The following ZNRF1 variants were observed in gnomAD, a reference collection of about 807,000 sequenced individuals.
The protein encoded by ZNRF1 is E3 ubiquitin-protein ligase ZNRF1.
A neutral mutation model predicts 18.4 loss-of-function variants in ZNRF1; 3 were observed. That is an observed-to-expected ratio of 0.16 (90% confidence interval 0.07 to 0.42). The LOEUF (loss-of-function observed/expected upper bound fraction) is 0.42, where lower values mean the gene tolerates loss of function less well. Among genes scored for constraint, ZNRF1 ranks in the 10% least tolerant of loss-of-function variants. The pLI is 0.99. For missense variants in ZNRF1, 310 were observed against 329.8 expected (o/e 0.94, Z 0.47); for synonymous variants, 157 against 144.2 (o/e 1.09, Z -0.64).
rs1279907752 is a variant in ZNRF1, at chr16:75,106,148, C to T, written c.627-334C>T. The T allele has an allele frequency of 2.2e-5, 6 of 272,790 alleles. No homozygotes were observed. In the East Asian group the frequency reaches 2.4e-4, roughly 11 times the overall value. 16.9% of individuals were successfully genotyped at this position (272,790 alleles called of 1,614,324 possible). On this transcript the variant is annotated intron_variant, in intron 3 of 4. Transcript: ENST00000335325. The stretch of plus-strand genomic sequence containing the variant: ...TGACTAGCTGCCCTGAGGGGTCCAC[C>T]GCTCTCACCTTCTCACTGGTGGCTG...
At chr16:75,048,873 C>G (rs547067693) in intron 1 of ZNRF1, among the ~76,000 whole-genome samples, 2 of 152,258 alleles carry the variant, frequency 1.3e-5, no homozygotes, top group East Asian at 1.9e-4. Context: ...GTGGATAATC[C>G]TTACATTCAT....
At chr16:75,061,281 A>C (rs1033764038) in intron 1 of ZNRF1, among the ~76,000 whole-genome samples, 1 of 151,976 alleles carries the variant, frequency 6.6e-6, no homozygotes, top group African/African-American at 2.4e-5. Context: ...CCCATTAACC[A>C]TCCCCACCTC....
At chr16:75,049,897 T>C (rs532910696) in intron 1 of ZNRF1, among the ~76,000 whole-genome samples, 2 of 149,368 alleles carry the variant, frequency 1.3e-5, no homozygotes, top group South Asian at 2.1e-4. Flanking sequence ...ATCATACATA[T>C]GGGTTTATGT....
At chr16:75,067,747 T>C (rs2035823127) in intron 1 of ZNRF1, among the ~76,000 whole-genome samples, 1 of 152,182 alleles carries the variant, frequency 6.6e-6, no homozygotes, top group African/African-American at 2.4e-5. Context: ...GAGAATTGAC[T>C]AATTAAAATG....
intron 1 of ZNRF1, among the ~76,000 whole-genome samples, chr16:75,073,147 TC>T (rs2035893234): frequency 1.3e-4 from 1 of 7,616 alleles, no homozygotes; most frequent in Non-Finnish European, 1.1e-3. Flanking sequence ...TCTCTCTCTC[TC>T]TCTCTGTCTC....
intron 1 of ZNRF1, among the ~76,000 whole-genome samples, chr16:75,059,555 A>G: frequency 6.6e-6 from 1 of 151,932 alleles, no homozygotes; most frequent in East Asian, 1.9e-4. Context: ...AAAACTACCC[A>G]TCTTCTTACT....
intron 2 of ZNRF1, chr16:75,095,900 A>G (rs1597908105): frequency 1.3e-6 from 1 of 741,770 alleles, no homozygotes; most frequent in East Asian, 3.0e-5. Flanking sequence ...GACTACAGAA[A>G]CCACACCGGG....
chr16:75,090,517 C>G (rs1409999887), intron 1 of ZNRF1, among the ~76,000 whole-genome samples: 2 of 152,116 alleles, frequency 1.3e-5, no homozygotes, highest in Non-Finnish European at 2.9e-5. Context: ...CACACCAGGC[C>G]TGGTCTTCTA....
chr16:75,047,039 G>A (rs530041625), intron 1 of ZNRF1, among the ~76,000 whole-genome samples: 1 of 152,110 alleles, frequency 6.6e-6, no homozygotes, highest in Admixed American at 6.5e-5. Flanking sequence ...GTTAAAAGTG[G>A]ATATAATCTG....
chr16:75,027,724 C>G (rs1431679761), intron 1 of ZNRF1, among the ~76,000 whole-genome samples: 1 of 152,162 alleles, frequency 6.6e-6, no homozygotes, highest in Non-Finnish European at 1.5e-5. Flanking sequence ...CTGGTTAAAT[C>G]CAAATCTCTG....
intron 1 of ZNRF1, among the ~76,000 whole-genome samples, chr16:75,022,168 T>C (rs1444200442): frequency 6.6e-6 from 1 of 152,048 alleles, no homozygotes; most frequent in East Asian, 1.9e-4. Context: ...GGCAGGAGAA[T>C]CACTTGGACC....
chr16:75,073,431 T>A (rs1473646587), intron 1 of ZNRF1, among the ~76,000 whole-genome samples: 2 of 152,144 alleles, frequency 1.3e-5, no homozygotes. Context: ...TATTCATTCA[T>A]ACATTGATCT....
intron 1 of ZNRF1, among the ~76,000 whole-genome samples, chr16:75,004,689 C>T (rs2034895723): frequency 6.6e-6 from 1 of 152,194 alleles, no homozygotes; most frequent in Admixed American, 6.5e-5. Context: ...TCATGGTTCA[C>T]TGTAGCCTCA....
At chr16:75,035,795 C>A (rs1449739604) in intron 1 of ZNRF1, among the ~76,000 whole-genome samples, 1 of 152,130 alleles carries the variant, frequency 6.6e-6, no homozygotes, top group African/African-American at 2.4e-5. Flanking sequence ...CAGTGTGCTT[C>A]CTGAAATTGT....
intron 1 of ZNRF1, among the ~76,000 whole-genome samples, chr16:75,002,922 G>A (rs142698599): frequency 2.0e-5 from 3 of 152,180 alleles, no homozygotes; most frequent in East Asian, 3.9e-4. Context: ...TGGCCCCTCC[G>A]GTTATTCTCT....
chr16:75,017,959 G>A (rs2035092769), intron 1 of ZNRF1, among the ~76,000 whole-genome samples: 1 of 152,150 alleles, frequency 6.6e-6, no homozygotes, highest in African/African-American at 2.4e-5. Context: ...GAATCCCAGT[G>A]TTGCTAATTT....
chr16:75,055,574 G>A (rs534820336), intron 1 of ZNRF1, among the ~76,000 whole-genome samples: 1 of 152,278 alleles, frequency 6.6e-6, no homozygotes, highest in African/African-American at 2.4e-5. Context: ...CTCCCTATGA[G>A]AGGCCTTTTC....
At chr16:75,031,513 TTTTG>T (rs775900477) in intron 1 of ZNRF1, among the ~76,000 whole-genome samples, 3 of 151,886 alleles carry the variant, frequency 2.0e-5, no homozygotes, top group Non-Finnish European at 4.4e-5. Context: ...TGTTTGTTTG[TTTTG>T]TTTGTTTTGA....
chr16:75,008,956 T>C (rs1182189691), intron 1 of ZNRF1, among the ~76,000 whole-genome samples: 1 of 152,220 alleles, frequency 6.6e-6, no homozygotes, highest in Non-Finnish European at 1.5e-5. Flanking sequence ...ATTCCTCGTA[T>C]GTCTCAGTAT....
Sources: allele counts gnomAD v4.1 joint callset (sites outside exome capture counted in the v4.1 genomes callset), GRCh38; gene constraint gnomAD v4.1.1; transcripts MANE v1.5; gene names NCBI Gene and HGNC (gene_info 2026-07-23, HGNC 2026-07-21).